Variants in DCAF6 observed in about 807,000 individuals in gnomAD.
DCAF6 encodes DDB1- and CUL4-associated factor 6.
A neutral mutation model predicts 125.1 loss-of-function variants in DCAF6; 54 were observed. The ratio of observed to expected loss-of-function variants is 0.43; its 90% CI spans 0.35 to 0.54. DCAF6 has a LOEUF of 0.54. Among genes scored for constraint, DCAF6 ranks in the 20% least tolerant of loss-of-function variants. DCAF6 has a pLI of 0.01. For missense variants in DCAF6, 934 were observed against 1,161.7 expected (o/e 0.80, Z 2.85); for synonymous variants, 371 against 390.4 (o/e 0.95, Z 0.58).
chr1:167,985,770 C>T (rs1679917740), intron 4 of DCAF6, among the ~76,000 whole-genome samples: 1 of 152,140 alleles, frequency 6.6e-6, no homozygotes, highest in Admixed American at 6.5e-5. Context: ...AAAACACCTA[C>T]TGAAAAGTGC....
intron 17 of DCAF6, among the ~76,000 whole-genome samples, chr1:168,052,298 A>G (rs1268224581): frequency 1.3e-5 from 2 of 152,224 alleles, no homozygotes; most frequent in Non-Finnish European, 2.9e-5. Flanking sequence ...TTCTGGTTTT[A>G]TAATGAAAAT....
At chr1:167,878,267 A>G in the DCAF6 span, among the ~76,000 whole-genome samples, 6 of 152,296 alleles carry the variant, frequency 3.9e-5, no homozygotes, top group East Asian at 9.7e-4. Context: ...CCACCATGCC[A>G]TAGTGTCAGT....
chr1:167,930,034 T>C, the DCAF6 span, among the ~76,000 whole-genome samples: 2 of 152,304 alleles, frequency 1.3e-5, no homozygotes, highest in Admixed American at 6.5e-5. Flanking sequence ...TTGACATGGA[T>C]ACTGACGGCC....
intron 2 of DCAF6, among the ~76,000 whole-genome samples, chr1:167,960,596 C>T (rs1466304307): frequency 6.6e-6 from 1 of 152,158 alleles, no homozygotes. Context: ...TATAGTAAGT[C>T]TTGAAGTTGG....
At chr1:167,929,875 C>T in the DCAF6 span, among the ~76,000 whole-genome samples, 1 of 152,142 alleles carries the variant, frequency 6.6e-6, no homozygotes, top group Non-Finnish European at 1.5e-5. Context: ...CACTACATTT[C>T]CCTACCTCTT....
At chr1:167,903,105 A>G in the DCAF6 span, among the ~76,000 whole-genome samples, 8 of 150,610 alleles carry the variant, frequency 5.3e-5, no homozygotes, top group Admixed American at 5.3e-4. Flanking sequence ...AAAAAATACA[A>G]AATTGCTGGG....
At chr1:167,962,771 G>A (rs912549080) in intron 2 of DCAF6, among the ~76,000 whole-genome samples, 10 of 151,516 alleles carry the variant, frequency 6.6e-5, no homozygotes, top group East Asian at 2.0e-4. Context: ...CCTGGCCAAC[G>A]TGGCAAAACT....
At chr1:167,885,860 C>T in the DCAF6 span, among the ~76,000 whole-genome samples, 5 of 152,118 alleles carry the variant, frequency 3.3e-5, no homozygotes, top group African/African-American at 7.2e-5. Context: ...GTGACTTGCC[C>T]ACCTCGGCCT....
chr1:167,896,840 A>C, the DCAF6 span: 1 of 628,648 alleles, frequency 1.6e-6, no homozygotes, highest in Non-Finnish European at 2.8e-6. Flanking sequence ...GTAAAATTGA[A>C]ATTTTAAATT....
the DCAF6 span, among the ~76,000 whole-genome samples, chr1:167,891,750 A>G: frequency 6.1e-3 from 931 of 152,108 alleles, 13 homozygotes; most frequent in African/African-American, 0.021. Flanking sequence ...ATAGCAAATC[A>G]ATGGGGGAAA....
At chr1:168,003,771 A>G in intron 8 of DCAF6, 99 bp from the exon 9 acceptor site, 1 of 1,089,926 alleles carries the variant, frequency 9.2e-7, no homozygotes, top group Non-Finnish European at 1.3e-6. Flanking sequence ...ATTTTTAAAA[A>G]TATGCTTTCA....
the DCAF6 span, among the ~76,000 whole-genome samples, chr1:167,918,569 A>G: frequency 9.2e-5 from 14 of 151,504 alleles, no homozygotes; most frequent in African/African-American, 3.4e-4. Context: ...TTTGTTTCAG[A>G]TAATAAGAGC....
the DCAF6 span, among the ~76,000 whole-genome samples, chr1:167,900,245 A>C: frequency 6.6e-6 from 1 of 152,174 alleles, no homozygotes; most frequent in Non-Finnish European, 1.5e-5. Context: ...TAATACAATC[A>C]ATGTTTATTT....
Position 168,061,416 on chromosome 1 carries a change from C to A in DCAF6, c.2301-2205C>A, listed in dbSNP as rs539325485. On this transcript the variant is annotated intron_variant, in intron 17 of 21. Coordinates refer to ENST00000367840, the MANE Select transcript of DCAF6 (RefSeq NM_001198956.2). The stretch of plus-strand genomic sequence containing the variant: ...AAAATTGTTAGTCACAATTTAATGT[C>A]CATCTTTCCAAACCCTTTCTATGCA... Among the ~76,000 whole-genome samples the A allele has an allele frequency of 2.6e-4, 39 of 152,204 alleles. 1 individual carries two copies. The highest frequency in any genetic ancestry group is 2.1e-3 in the South Asian group (10 of 4,818).
At chr1:168,072,079 C>T (rs1049596211) in intron 21 of DCAF6, among the ~76,000 whole-genome samples, 8 of 151,848 alleles carry the variant, frequency 5.3e-5, no homozygotes, top group South Asian at 2.1e-4. Context: ...GGGTAGATCA[C>T]GAGGTCAGGA....
At chr1:167,981,095 T>C (rs1357033717) in intron 4 of DCAF6, among the ~76,000 whole-genome samples, 1 of 151,778 alleles carries the variant, frequency 6.6e-6, no homozygotes, top group African/African-American at 2.4e-5. Flanking sequence ...TTAGTAGAGA[T>C]GGGGTTTCAC....
the DCAF6 span, chr1:167,904,906 C>T: frequency 1.9e-6 from 3 of 1,588,264 alleles, no homozygotes; most frequent in Non-Finnish European, 2.6e-6. Context: ...AGAATGGCCT[C>T]CCTACTCTGC....
At chr1:168,004,015 A>C in intron 9 of DCAF6, 26 bp downstream of exon 9, 1 of 1,601,472 alleles carries the variant, frequency 6.2e-7, no homozygotes, top group Non-Finnish European at 8.5e-7. Context: ...AATTAAAGTC[A>C]TCAGAAAGCT....
At chr1:168,022,495 A>G (rs1158909732) in intron 11 of DCAF6, among the ~76,000 whole-genome samples, 2 of 152,200 alleles carry the variant, frequency 1.3e-5, no homozygotes, top group East Asian at 3.8e-4. Context: ...TTTTTCTTAT[A>G]AACCATTTTC....
Sources: allele counts gnomAD v4.1 joint callset (sites outside exome capture counted in the v4.1 genomes callset), GRCh38; gene constraint gnomAD v4.1.1; transcripts MANE v1.5; gene names NCBI Gene and HGNC (gene_info 2026-07-23, HGNC 2026-07-21).